TJP3: variants seen among roughly 807,000 people sequenced by gnomAD.
TJP3 encodes tight junction protein ZO-3.
TJP3 carries 85 observed loss-of-function variants against 104.2 expected under a neutral mutation model. The observed-to-expected ratio is 0.82, with a 90% CI of 0.68 to 0.98. The LOEUF (loss-of-function observed/expected upper bound fraction) is 0.98, where lower values mean the gene tolerates loss of function less well. Among genes scored for constraint, TJP3 ranks in the 50% least tolerant of loss-of-function variants. The probability of loss-of-function intolerance (pLI) is 0.00; values close to 1 mark genes in which losing one functional copy is unlikely to be tolerated. For synonymous variants in TJP3, 550 were observed against 550.6 expected, an observed-to-expected ratio of 1.00 and a Z score of 0.02; for missense variants, 1,367 against 1,322.8, an observed-to-expected ratio of 1.03 and a Z score of -0.52.
At chr19:3,731,338 T>C (rs1277565461) in intron 5 of TJP3, among the ~76,000 whole-genome samples, 1 of 152,062 alleles carries the variant, frequency 6.6e-6, no homozygotes, top group Non-Finnish European at 1.5e-5. Flanking sequence ...AGGGTCCTTA[T>C]AAGAGGAGGC....
In TJP3 at chr19:3,735,936, G is replaced by T; in HGVS notation, c.1127+1G>T. ...GCAGTCAGAGCATGGAGGATCGTGGGTATGTACCCCAGAAGAAAGCAAACC... is the reference window on the plus strand; with the variant it reads ...GCAGTCAGAGCATGGAGGATCGTGGTTATGTACCCCAGAAGAAAGCAAACC... On this transcript the variant is annotated splice_donor_variant, in intron 10 of 20. Transcript: ENST00000541714. LOFTEE classifies it high-confidence loss of function. 2 of 1,614,116 alleles carry T rather than the reference G, an allele frequency of 1.2e-6. No individual in the cohort carries two copies. The highest frequency in any genetic ancestry group is 1.7e-6 in the Non-Finnish European group (2 of 1,180,032).
chr19:3,718,255 GTCTGTGTGTGTGT>G (rs2036508105), intron 1 of TJP3, among the ~76,000 whole-genome samples: 1 of 49,392 alleles, frequency 2.0e-5, no homozygotes, highest in Non-Finnish European at 3.7e-5. Flanking sequence ...GTGTGTGTGT[GTCTGTGTGTGTGT>G]AGAGATGGAA....
intron 1 of TJP3, among the ~76,000 whole-genome samples, chr19:3,720,375 T>C (rs1285958723): frequency 6.6e-6 from 1 of 152,186 alleles, no homozygotes; most frequent in African/African-American, 2.4e-5. Context: ...TTTGATATTG[T>C]TGGCCTTGTT....
intron 1 of TJP3, among the ~76,000 whole-genome samples, chr19:3,716,947 T>A: frequency 7.4e-6 from 1 of 135,564 alleles, no homozygotes; most frequent in African/African-American, 2.6e-5. Context: ...TACAGGCGGG[T>A]GCCAACACGC....
chr19:3,723,936 C>G (rs1482010635), intron 1 of TJP3, among the ~76,000 whole-genome samples: 1 of 151,830 alleles, frequency 6.6e-6, no homozygotes, highest in Admixed American at 6.6e-5. Context: ...ACCTCAGTGG[C>G]AGGGGCCAGC....
intron 15 of TJP3, among the ~76,000 whole-genome samples, chr19:3,745,722 C>T (rs1041852124): frequency 2.4e-4 from 36 of 152,202 alleles, no homozygotes; most frequent in African/African-American, 7.7e-4. Context: ...TCTGACCCTG[C>T]AACCCTGAGC....
intron 3 of TJP3, among the ~76,000 whole-genome samples, 193 bp downstream of exon 3, chr19:3,728,906 A>G (rs761379736): frequency 1.3e-5 from 2 of 152,136 alleles, no homozygotes; most frequent in Non-Finnish European, 2.9e-5. Flanking sequence ...TACAAAAATT[A>G]GCGGGATGTG....
At chr19:3,711,020 C>T (rs1040125694) in intron 1 of TJP3, among the ~76,000 whole-genome samples, 1 of 150,332 alleles carries the variant, frequency 6.7e-6, no homozygotes, top group Non-Finnish European at 1.5e-5. Flanking sequence ...ACTCCTGCCT[C>T]AGCCTCCCGA....
Position 3,728,607 on chromosome 19 carries a change from C to T in TJP3, c.52C>T (p.Pro18Ser), listed in dbSNP as rs2036628891. ...EQHTATLSKDPRRGFGIAISG... is the reference protein window; with the variant it reads ...EQHTATLSKDSRRGFGIAISG... ...CCTTCCCCTCATCCTCTCTCAGGAC[C>T]CCCGCCGGGGCTTTGGCATTGCGAT... Residue 18 changes from proline (P) to serine (S), a missense_variant, in exon 3 of 21, where the codon CCC becomes TCC. Transcript: ENST00000541714. The T allele has an allele frequency of 6.2e-7, 1 of 1,612,316 alleles. No homozygotes were observed. Among genetic ancestry groups the T allele is most frequent in the East Asian group, 2.2e-5 (1 of 44,854 alleles).
chr19:3,721,433 G>A lies in TJP3; in HGVS notation c.-9-6991G>A, dbSNP rs377303442. Among the ~76,000 whole-genome samples the A allele has an allele frequency of 5.9e-5, 9 of 152,330 alleles. No individual in the cohort carries two copies. In the South Asian group the frequency reaches 1.0e-3, roughly 18 times the overall value. ...CCTTCGACAAGCTTCTAATCCAAGA[G>A]GCCTCCCAGATGCACCTCAAAATGT... On this transcript the variant is annotated intron_variant, in intron 1 of 20. Coordinates refer to ENST00000541714, the MANE Select transcript of TJP3 (RefSeq NM_001267560.2).
At chr19:3,729,966 G>C in intron 3 of TJP3, 62 bp from the exon 4 acceptor site, 1 of 1,415,976 alleles carries the variant, frequency 7.1e-7, no homozygotes, top group Non-Finnish European at 1.0e-6. Flanking sequence ...TCCCCAGGGA[G>C]GGCTTGTTAC....
At chr19:3,727,087 A>G (rs2036605274) in intron 1 of TJP3, among the ~76,000 whole-genome samples, 1 of 151,890 alleles carries the variant, frequency 6.6e-6, no homozygotes, top group African/African-American at 2.4e-5. Flanking sequence ...TGTCTAAAAA[A>G]AAAAAAGTGT....
At chr19:3,736,051 G>C in intron 10 of TJP3, 114 bp from the exon 11 acceptor site, 2 of 1,575,680 alleles carry the variant, frequency 1.3e-6, no homozygotes, top group Non-Finnish European at 1.7e-6. Flanking sequence ...CCATTAAGTG[G>C]GGGTTTTGGG....
chr19:3,734,692 C>T (rs1043321150), intron 8 of TJP3, among the ~76,000 whole-genome samples: 4 of 152,156 alleles, frequency 2.6e-5, no homozygotes, highest in East Asian at 1.9e-4. Flanking sequence ...CGGTGGCTCA[C>T]GCCTGTAATC....
intron 1 of TJP3, among the ~76,000 whole-genome samples, chr19:3,719,445 T>G (rs1418517460): frequency 6.6e-6 from 1 of 151,652 alleles, no homozygotes; most frequent in Non-Finnish European, 1.5e-5. Flanking sequence ...AAAATATGTG[T>G]GTGTGTGTGG....
At chr19:3,740,103 A>G (rs1274378923) in intron 13 of TJP3, among the ~76,000 whole-genome samples, 1 of 151,948 alleles carries the variant, frequency 6.6e-6, no homozygotes, top group African/African-American at 2.4e-5. Context: ...GTGGTGGTGC[A>G]TACCTGTAAT....
intron 1 of TJP3, among the ~76,000 whole-genome samples, chr19:3,714,157 C>G (rs1039002680): frequency 6.6e-6 from 1 of 152,124 alleles, no homozygotes; most frequent in Non-Finnish European, 1.5e-5. Flanking sequence ...TCAAGAGATT[C>G]TCCTGCCTCA....
At chr19:3,733,629 A>C in intron 6 of TJP3, 124 bp from the exon 7 acceptor site, 2 of 1,283,530 alleles carry the variant, frequency 1.6e-6, no homozygotes, top group Admixed American at 3.8e-5. Context: ...TTCCTTAGGG[A>C]GTGGCTGTTT....
intron 8 of TJP3, among the ~76,000 whole-genome samples, chr19:3,734,821 C>T (rs1382058586): frequency 2.6e-5 from 4 of 152,116 alleles, no homozygotes; most frequent in Admixed American, 1.3e-4. Flanking sequence ...CGGCGTGGTG[C>T]CGGGTGCCTG....
Sources: allele counts gnomAD v4.1 joint callset (sites outside exome capture counted in the v4.1 genomes callset), GRCh38; gene constraint gnomAD v4.1.1; transcripts MANE v1.5; gene names NCBI Gene and HGNC (gene_info 2026-07-23, HGNC 2026-07-21).